ATP9B: variants seen among roughly 807,000 people sequenced by gnomAD.
ATP9B encodes ATPase phospholipid transporting 9B.
A neutral mutation model predicts 146.1 loss-of-function variants in ATP9B; 110 were observed. That is an observed-to-expected ratio of 0.75 (90% CI 0.65 to 0.88). The LOEUF (loss-of-function observed/expected upper bound fraction) is 0.88, where lower values mean the gene tolerates loss of function less well. Among genes scored for constraint, ATP9B ranks in the 40% least tolerant of loss-of-function variants. The probability of loss-of-function intolerance (pLI) is 0.00; values close to 1 mark genes in which losing one functional copy is unlikely to be tolerated. For synonymous variants in ATP9B, 604 were observed against 569.7 expected, an observed-to-expected ratio of 1.06 and a Z score of -0.86; for missense variants, 1,499 against 1,496.4, an observed-to-expected ratio of 1.00 and a Z score of -0.03.
chr18:79,324,138 G>A (rs1238495802), intron 15 of ATP9B, among the ~76,000 whole-genome samples: 1 of 151,912 alleles, frequency 6.6e-6, no homozygotes, highest in Non-Finnish European at 1.5e-5. Context: ...TATTTTAATC[G>A]AATTACTCAT....
intron 26 of ATP9B, chr18:79,361,777 T>C: frequency 4.1e-6 from 4 of 985,480 alleles, no homozygotes; most frequent in Non-Finnish European, 4.8e-6. Flanking sequence ...TCTGCGTTGT[T>C]GTCTGATGAT....
At chr18:79,078,699 T>C (rs376425827) in intron 1 of ATP9B, among the ~76,000 whole-genome samples, 22 of 151,878 alleles carry the variant, frequency 1.4e-4, no homozygotes, top group African/African-American at 5.3e-4. Flanking sequence ...TCTGGGATAC[T>C]TGTGCAGAAT....
intron 9 of ATP9B, among the ~76,000 whole-genome samples, chr18:79,195,158 A>G (rs1440251418): frequency 6.6e-6 from 1 of 152,220 alleles, no homozygotes; most frequent in Admixed American, 6.5e-5. Context: ...TTGTGCCTGT[A>G]GAAGAAGGGA....
intron 12 of ATP9B, among the ~76,000 whole-genome samples, chr18:79,269,172 T>C (rs1248454605): frequency 6.6e-6 from 1 of 152,216 alleles, no homozygotes; most frequent in Non-Finnish European, 1.5e-5. Context: ...CTCTGGGACA[T>C]GGGGTCAGGG....
intron 4 of ATP9B, among the ~76,000 whole-genome samples, chr18:79,121,425 T>C (rs73003145): frequency 8.9e-4 from 135 of 152,286 alleles, no homozygotes; most frequent in Non-Finnish European, 1.5e-3. Context: ...TCTGACCTTG[T>C]TGGTACCGAG....
chr18:79,303,449 A>G (rs2096604236), intron 13 of ATP9B, among the ~76,000 whole-genome samples, 155 bp from the exon 14 acceptor site: 1 of 151,532 alleles, frequency 6.6e-6, no homozygotes, highest in South Asian at 2.1e-4. Flanking sequence ...TGAAAATAGT[A>G]GCAAGTAACA....
At chr18:79,098,081 G>A (rs530253624) in intron 2 of ATP9B, among the ~76,000 whole-genome samples, 3 of 142,906 alleles carry the variant, frequency 2.1e-5, no homozygotes, top group South Asian at 5.1e-4. Flanking sequence ...CAGAAATAAC[G>A]CCACATACCT....
At chr18:79,249,516 C>T (rs2096002334) in intron 11 of ATP9B, among the ~76,000 whole-genome samples, 1 of 152,090 alleles carries the variant, frequency 6.6e-6, no homozygotes, top group Admixed American at 6.5e-5. Context: ...GTCGTAATTA[C>T]TTCAAGTGAT....
chr18:79,137,032 A>T (rs1472323422), intron 5 of ATP9B, among the ~76,000 whole-genome samples: 1 of 152,230 alleles, frequency 6.6e-6, no homozygotes, highest in African/African-American at 2.4e-5. Context: ...TGTGGGGAGT[A>T]TAGGAACTAC....
chr18:79,240,521 G>A (rs896946776), intron 11 of ATP9B, among the ~76,000 whole-genome samples: 3 of 152,186 alleles, frequency 2.0e-5, no homozygotes, highest in Non-Finnish European at 4.4e-5. Context: ...TGAGGCAGGC[G>A]GATCACCTGA....
At chr18:79,352,504 T>C (rs2147676810) in intron 25 of ATP9B, 1 of 152,238 alleles carries the variant, frequency 6.6e-6, no homozygotes, top group East Asian at 1.9e-4. Context: ...TTTTCAGACA[T>C]TGGATAAGAA....
intron 21 of ATP9B, 48 bp from the exon 22 acceptor site, chr18:79,345,380 A>G: frequency 6.3e-7 from 1 of 1,599,488 alleles, no homozygotes; most frequent in African/African-American, 1.3e-5. Flanking sequence ...CAAATCTGGG[A>G]CACTGTTGTC....
chr18:79,231,877 G>A (rs1354124495), intron 11 of ATP9B, among the ~76,000 whole-genome samples: 1 of 151,206 alleles, frequency 6.6e-6, no homozygotes, highest in Non-Finnish European at 1.5e-5. Context: ...AACTTGGATG[G>A]AATTGGAGAC....
At chr18:79,188,944 G>A (rs1314103077) in intron 8 of ATP9B, among the ~76,000 whole-genome samples, 2 of 149,544 alleles carry the variant, frequency 1.3e-5, no homozygotes, top group African/African-American at 2.5e-5. Flanking sequence ...CCTTTAACTA[G>A]AGTTTTTTAA....
At chr18:79,183,241 T>C (rs987530729) in intron 8 of ATP9B, among the ~76,000 whole-genome samples, 3 of 152,196 alleles carry the variant, frequency 2.0e-5, no homozygotes, top group Non-Finnish European at 4.4e-5. Context: ...CTGATATTGG[T>C]AAATTTAAAA....
Position 79,109,604 on chromosome 18 carries a change from C to A in ATP9B, c.294-751C>A, listed in dbSNP as rs546624907. Among the ~76,000 whole-genome samples the A allele has an allele frequency of 7.5e-5, 11 of 146,458 alleles. No homozygotes were observed. In the Admixed American group the frequency reaches 7.6e-4, roughly 10 times the overall value. ...TTTTTAAGATGGAGACTCACTCTTT[C>A]GCCCAGGCTGAAGTGCAGTGGCATT... On this transcript the variant is annotated intron_variant, in intron 2 of 29. Coordinates refer to ENST00000426216, the MANE Select transcript of ATP9B (RefSeq NM_198531.5).
chr18:79,106,776 TAG>T (rs1359923021), intron 2 of ATP9B, among the ~76,000 whole-genome samples: 1 of 152,196 alleles, frequency 6.6e-6, no homozygotes, highest in Non-Finnish European at 1.5e-5. Flanking sequence ...GCATTGAATT[TAG>T]AGTTTCTCGA....
intron 6 of ATP9B, 71 bp from the exon 7 acceptor site, chr18:79,154,433 A>C (rs1368014129): frequency 9.3e-7 from 1 of 1,078,240 alleles, no homozygotes; most frequent in Non-Finnish European, 1.3e-6. Flanking sequence ...GGTATTTCTT[A>C]TTTGGAATGG....
chr18:79,338,281 C>T (rs947798986), intron 19 of ATP9B, among the ~76,000 whole-genome samples: 18 of 152,344 alleles, frequency 1.2e-4, no homozygotes, highest in Admixed American at 4.6e-4. Context: ...GCCCCAGAGA[C>T]GCCTGGACGT....
Sources: allele counts gnomAD v4.1 joint callset (sites outside exome capture counted in the v4.1 genomes callset), GRCh38; gene constraint gnomAD v4.1.1; transcripts MANE v1.5; gene names NCBI Gene and HGNC (gene_info 2026-07-23, HGNC 2026-07-21).